LTBP1: variants seen among roughly 807,000 people sequenced by gnomAD.
LTBP1 encodes latent-transforming growth factor beta-binding protein 1.
In LTBP1, 129 loss-of-function variants were observed where a neutral mutation model predicts 207.6. That is an observed-to-expected ratio of 0.62 (90% confidence interval 0.54 to 0.72). LTBP1 has a LOEUF of 0.72. Among genes scored for constraint, LTBP1 ranks in the 30% least tolerant of loss-of-function variants. The pLI is 0.00. For synonymous variants in LTBP1, 963 were observed against 833.7 expected, an observed-to-expected ratio of 1.16 and a Z score of -2.67; for missense variants, 2,281 against 2,217.2, an observed-to-expected ratio of 1.03 and a Z score of -0.58.
rs779168923 is a variant in LTBP1, at chr2:32,975,583, G to GTTTTTTTTTTTTTTTTTTTTTTTTT, written c.565+26652_565+26676dup. Among the ~76,000 whole-genome samples the GTTTTTTTTTTTTTTTTTTTTTTTTT allele has an allele frequency of 1.3e-4, 4 of 31,360 alleles. 1 individual carries two copies. The highest frequency in any genetic ancestry group is 4.1e-4 in the African/African-American group (3 of 7,258). 20.6% of individuals were successfully genotyped at this position (31,360 alleles called of 152,430 possible). ...TTGTTGGAGGTTTCATTCATTCTTT[G>GTTTTTTTTTTTTTTTTTTTTTTTTT]TTTTTTTTTTTTTTTTTTTTTTTTT... On this transcript the variant is annotated intron_variant, in intron 2 of 33. Transcript: ENST00000404816.
At position 33,082,431 on chromosome 2, in the gene LTBP1, A is replaced by AATTT. The variant is rs2078468929; in HGVS notation, c.864-28151_864-28150insATTT. On this transcript the variant is annotated intron_variant, in intron 3 of 33. Coordinates refer to ENST00000404816, the MANE Select transcript of LTBP1 (RefSeq NM_206943.4). ...GTTAACCGTGGCTAAAGTATGACTC[A>AATTT]CTTTTTTTTTTTTTTTTTTTTTTTT... is the stretch of plus-strand genomic sequence containing the variant. Among the ~76,000 whole-genome samples, 7 of 116,044 alleles carry AATTT rather than the reference A, an allele frequency of 6.0e-5. 2 individuals carry two copies. Among genetic ancestry groups the AATTT allele is most frequent in the Admixed American group, 2.9e-4 (3 of 10,198 alleles). 76.1% of individuals were successfully genotyped at this position (116,044 alleles called of 152,430 possible). A position where few individuals can be genotyped will look rare whatever the true frequency, so the allele number is the denominator to read the frequency against.
chr2:33,329,670 T>C (rs35229483), intron 24 of LTBP1, among the ~76,000 whole-genome samples: 17,202 of 151,976 alleles, frequency 0.11, 1,565 homozygotes, highest in East Asian at 0.39. Flanking sequence ...CTAATATGAA[T>C]TTTTTTTATT....
chr2:32,995,779 A>G (rs1259545562), intron 2 of LTBP1, among the ~76,000 whole-genome samples: 1 of 152,146 alleles, frequency 6.6e-6, no homozygotes, highest in African/African-American at 2.4e-5. Context: ...ACAGAGCGAG[A>G]CTCTGTCTCA....
intron 4 of LTBP1, among the ~76,000 whole-genome samples, chr2:33,115,898 A>G (rs2080721167): frequency 6.6e-6 from 1 of 152,214 alleles, no homozygotes; most frequent in Admixed American, 6.5e-5. Flanking sequence ...TGAGGGTATA[A>G]TAAGTGTCTA....
At chr2:33,146,864 G>A (rs933037519) in intron 5 of LTBP1, among the ~76,000 whole-genome samples, 1 of 152,206 alleles carries the variant, frequency 6.6e-6, no homozygotes, top group African/African-American at 2.4e-5. Flanking sequence ...TCCTGGGCCC[G>A]GGGATTACAC....
intron 19 of LTBP1, among the ~76,000 whole-genome samples, chr2:33,290,520 A>T (rs1479566746): frequency 6.6e-6 from 1 of 152,208 alleles, no homozygotes; most frequent in South Asian, 2.1e-4. Context: ...TTTAGAAAAA[A>T]GTTTATTCTG....
chr2:33,310,009 A>G (rs1558989606), intron 23 of LTBP1, among the ~76,000 whole-genome samples: 1 of 143,372 alleles, frequency 7.0e-6, no homozygotes, highest in Non-Finnish European at 1.5e-5. Context: ...GTGCAGTGGT[A>G]TGATCTCGGC....
In LTBP1 at chr2:33,293,995, C is replaced by CTTTTT. The variant is rs71409607; in HGVS notation, c.3235+737_3235+741dup. Among the ~76,000 whole-genome samples, 234 of 48,832 alleles carry CTTTTT rather than the reference C, an allele frequency of 4.8e-3. 61 individuals are homozygous for CTTTTT. The highest frequency in any genetic ancestry group is 0.017 in the African/African-American group (196 of 11,540). The allele number at this position is 48,832 out of a possible 152,430, so 32.0% of individuals were successfully genotyped here. A position where few individuals can be genotyped will look rare whatever the true frequency, so the allele number is the denominator to read the frequency against. On this transcript the variant is annotated intron_variant, in intron 20 of 33. Coordinates refer to ENST00000404816, the MANE Select transcript of LTBP1 (RefSeq NM_206943.4). ...ATTAGTGAACAAAACTGGTACAGGT[C>CTTTTT]TTTTTTTTTTTTTTTTTTTTTTTTT...
At chr2:33,336,735 A>G (rs2094557885) in intron 24 of LTBP1, among the ~76,000 whole-genome samples, 1 of 152,200 alleles carries the variant, frequency 6.6e-6, no homozygotes, top group African/African-American at 2.4e-5. Flanking sequence ...GCTCAGAATA[A>G]GGAAGAAGGA....
chr2:33,150,578 C>G (rs1572868384), intron 5 of LTBP1, among the ~76,000 whole-genome samples: 1 of 151,974 alleles, frequency 6.6e-6, no homozygotes, highest in Admixed American at 6.6e-5. Flanking sequence ...CCTTTCTCCC[C>G]TAGCCTCTGG....
intron 7 of LTBP1, among the ~76,000 whole-genome samples, 174 bp from the exon 8 acceptor site, chr2:33,217,378 T>C (rs1307950196): frequency 6.6e-6 from 1 of 152,208 alleles, no homozygotes; most frequent in Non-Finnish European, 1.5e-5. Context: ...CATTTTTGTG[T>C]TGTATTGATT....
chr2:33,193,631 A>C (rs2088185521), intron 7 of LTBP1, among the ~76,000 whole-genome samples: 1 of 152,156 alleles, frequency 6.6e-6, no homozygotes, highest in Non-Finnish European at 1.5e-5. Flanking sequence ...AGTTTTTCTG[A>C]CAGCATGCTC....
chr2:33,097,534 T>C (rs2079462773), intron 3 of LTBP1, among the ~76,000 whole-genome samples: 1 of 152,210 alleles, frequency 6.6e-6, no homozygotes, highest in Non-Finnish European at 1.5e-5. Context: ...AATACCATGT[T>C]TTTAAAAAAA....
At position 33,182,695 on chromosome 2, in the gene LTBP1, T is replaced by TACAC. The variant is rs756804273; in HGVS notation, c.1202-4160_1202-4159insCACA. Among the ~76,000 whole-genome samples, 629 of 84,614 alleles carry TACAC rather than the reference T, an allele frequency of 7.4e-3. 72 individuals are homozygous for TACAC. The highest frequency in any genetic ancestry group is 0.013 in the Non-Finnish European group (499 of 39,528). The allele number at this position is 84,614 out of a possible 152,430, so 55.5% of individuals were successfully genotyped here. On this transcript the variant is annotated intron_variant, in intron 5 of 33. Coordinates refer to ENST00000404816, the MANE Select transcript of LTBP1 (RefSeq NM_206943.4). ...AAAGAAGAAAAGATGGTGATATATATATATACACACACACACACACACACA... is the reference window on the plus strand; with the variant it reads ...AAAGAAGAAAAGATGGTGATATATATACACATATACACACACACACACACACACA...
At chr2:33,291,022 C>G (rs2093764319) in intron 19 of LTBP1, among the ~76,000 whole-genome samples, 1 of 152,198 alleles carries the variant, frequency 6.6e-6, no homozygotes, top group South Asian at 2.1e-4. Flanking sequence ...TACTGTCTTG[C>G]TATTTTCTCA....
intron 3 of LTBP1, among the ~76,000 whole-genome samples, chr2:33,056,662 C>A (rs575567749): frequency 3.7e-4 from 57 of 152,012 alleles, no homozygotes; most frequent in African/African-American, 1.2e-3. Context: ...TTTGGAGTTT[C>A]TTCCTTCTGG....
chr2:33,321,533 A>G (rs1287910835), intron 24 of LTBP1, among the ~76,000 whole-genome samples: 1 of 152,224 alleles, frequency 6.6e-6, no homozygotes, highest in East Asian at 1.9e-4. Flanking sequence ...ACTTCTAGGT[A>G]CATTTTCTAT....
chr2:33,064,213 C>A (rs1249033733), intron 3 of LTBP1, among the ~76,000 whole-genome samples: 1 of 152,162 alleles, frequency 6.6e-6, no homozygotes, highest in African/African-American at 2.4e-5. Context: ...ATTGAGTTTT[C>A]TGCTAATATA....
chr2:33,205,478 G>T (rs924639020), intron 7 of LTBP1, among the ~76,000 whole-genome samples: 2 of 152,166 alleles, frequency 1.3e-5, no homozygotes, highest in Admixed American at 6.5e-5. Flanking sequence ...TACGTTTTGT[G>T]TGCATTAGAC....
Sources: allele counts gnomAD v4.1 joint callset (sites outside exome capture counted in the v4.1 genomes callset), GRCh38; gene constraint gnomAD v4.1.1; transcripts MANE v1.5; gene names NCBI Gene and HGNC (gene_info 2026-07-23, HGNC 2026-07-21).